The following ASIC2 variants were observed in gnomAD, a reference collection of about 807,000 sequenced individuals.
The protein encoded by ASIC2 is acid sensing ion channel subunit 2.
In ASIC2, 25 loss-of-function variants were observed where a neutral mutation model predicts 57.3. The ratio of observed to expected loss-of-function variants is 0.44; its 90% CI spans 0.32 to 0.61. ASIC2 has a LOEUF of 0.61. ASIC2 is among the 20% of genes least tolerant of loss of function. The pLI is 0.06. For missense variants in ASIC2, 641 were observed against 738.1 expected (o/e 0.87, Z 1.52); for synonymous variants, 319 against 307.5 (o/e 1.04, Z -0.39).
chr17:33,021,865 G>T (rs2091836976), intron 6 of ASIC2, among the ~76,000 whole-genome samples: 1 of 152,240 alleles, frequency 6.6e-6, no homozygotes, highest in Non-Finnish European at 1.5e-5. Flanking sequence ...TGTTCTGGCA[G>T]AAGCACCGCG....
intron 1 of ASIC2, among the ~76,000 whole-genome samples, chr17:34,152,707 G>A (rs752801155): frequency 2.6e-5 from 4 of 152,160 alleles, no homozygotes; most frequent in African/African-American, 9.7e-5. Context: ...TGACCAAGTC[G>A]AGGCCTAGAG....
intron 1 of ASIC2, among the ~76,000 whole-genome samples, chr17:34,130,508 G>A (rs890244668): frequency 6.6e-6 from 1 of 152,236 alleles, no homozygotes; most frequent in African/African-American, 2.4e-5. Flanking sequence ...CCCAGGTGTT[G>A]TCTGGACACA....
chr17:33,024,098 GA>G lies in ASIC2; in HGVS notation c.1196-85del, dbSNP rs2091849844. ...CCAGAGTAGCTGGATTGTAGCAGCT[GA>G]GAAATGAGCTGGGAAGGGGCACTGG... On this transcript the variant is annotated intron_variant, in intron 5 of 9. Transcript: ENST00000225823. 1.1e-4 allele frequency: 165 copies of G among 1,561,986 alleles called. 5 individuals carry two copies. In the South Asian group the frequency reaches 1.9e-3, roughly 18 times the overall value.
chr17:33,914,978 G>C (rs1915552966), intron 1 of ASIC2, among the ~76,000 whole-genome samples: 1 of 152,142 alleles, frequency 6.6e-6, no homozygotes, highest in Non-Finnish European at 1.5e-5. Context: ...TCTTCATATG[G>C]TCTGCTGTGG....
intron 1 of ASIC2, among the ~76,000 whole-genome samples, chr17:33,165,911 C>A (rs948074597): frequency 9.2e-5 from 14 of 152,110 alleles, no homozygotes; most frequent in African/African-American, 2.7e-4. Context: ...TATTGGAGAC[C>A]AATTGACATA....
intron 1 of ASIC2, among the ~76,000 whole-genome samples, chr17:33,619,298 T>A (rs1461088554): frequency 6.6e-6 from 1 of 152,166 alleles, no homozygotes; most frequent in Non-Finnish European, 1.5e-5. Flanking sequence ...TCAACACCAA[T>A]TCAATTTCAA....
At chr17:34,002,424 A>G (rs975669367) in intron 1 of ASIC2, 5 of 152,186 alleles carry the variant, frequency 3.3e-5, no homozygotes, top group African/African-American at 4.8e-5. Context: ...ATTTTTCCCA[A>G]CATTTAAGAA....
intron 1 of ASIC2, among the ~76,000 whole-genome samples, chr17:33,391,492 C>T (rs577582779): frequency 6.6e-6 from 1 of 152,282 alleles, no homozygotes; most frequent in South Asian, 2.1e-4. Context: ...CTGCACTAAG[C>T]AAAAAGTTTT....
In ASIC2 at chr17:33,874,496, G is replaced by A. The variant is rs138927909; in HGVS notation, c.555+281482C>T. 2.2e-3 allele frequency among the ~76,000 whole-genome samples: 340 copies of A among 152,296 alleles called. 2 individuals are homozygous for A. Among genetic ancestry groups the A allele is most frequent in the African/African-American group, 7.9e-3 (330 of 41,552 alleles). On this transcript the variant is annotated intron_variant, in intron 1 of 9. Transcript: ENST00000359872. The stretch of plus-strand genomic sequence containing the variant: ...CTAAACCAAGCAACCTTAGTCTGAA[G>A]CCAACCATTCTTCCTGCCGTGTCCT...
intron 1 of ASIC2, among the ~76,000 whole-genome samples, chr17:33,566,604 T>C (rs770776225): frequency 8.5e-5 from 13 of 152,122 alleles, no homozygotes; most frequent in Admixed American, 3.3e-4. Flanking sequence ...CTATAGTATA[T>C]TCCCCCTTAC....
At chr17:33,078,198 G>T (rs973964277) in intron 3 of ASIC2, among the ~76,000 whole-genome samples, 14 of 152,052 alleles carry the variant, frequency 9.2e-5, no homozygotes, top group Non-Finnish European at 1.6e-4. Context: ...ATAAGCCACC[G>T]AGAGATAAGC....
intron 3 of ASIC2, among the ~76,000 whole-genome samples, chr17:33,061,580 A>AT (rs2092020743): frequency 1.3e-5 from 2 of 152,062 alleles, no homozygotes; most frequent in Admixed American, 6.5e-5. Flanking sequence ...TTTACTGAGG[A>AT]TTTTTGCATC....
At chr17:33,873,222 G>A (rs1274930300) in intron 1 of ASIC2, among the ~76,000 whole-genome samples, 3 of 152,058 alleles carry the variant, frequency 2.0e-5, no homozygotes, top group Admixed American at 6.6e-5. Flanking sequence ...CTCCCAAGAC[G>A]ACAAAGATAA....
intron 5 of ASIC2, among the ~76,000 whole-genome samples, chr17:33,024,544 T>C (rs2091851560): frequency 1.3e-5 from 2 of 152,124 alleles, no homozygotes; most frequent in African/African-American, 4.8e-5. Context: ...CCTCTCTTCT[T>C]CCAATTAGAC....
intron 1 of ASIC2, among the ~76,000 whole-genome samples, chr17:33,812,449 AT>A (rs1298799882): frequency 6.6e-6 from 1 of 152,146 alleles, no homozygotes; most frequent in Non-Finnish European, 1.5e-5. Context: ...GAGCAAGACA[AT>A]AAGATGCTGG....
At chr17:33,516,682 G>A (rs975159508) in intron 1 of ASIC2, among the ~76,000 whole-genome samples, 4 of 152,146 alleles carry the variant, frequency 2.6e-5, no homozygotes, top group Non-Finnish European at 4.4e-5. Flanking sequence ...ATGTGAGCTC[G>A]CTGACATCAG....
intron 1 of ASIC2, among the ~76,000 whole-genome samples, chr17:33,496,995 T>C (rs1407536938): frequency 6.6e-6 from 1 of 152,204 alleles, no homozygotes; most frequent in Non-Finnish European, 1.5e-5. Context: ...TTGTTTACCA[T>C]GGTACCCTCA....
intron 1 of ASIC2, among the ~76,000 whole-genome samples, chr17:33,737,708 C>G (rs963784422): frequency 6.7e-6 from 1 of 148,450 alleles, no homozygotes; most frequent in South Asian, 2.1e-4. Flanking sequence ...GGCAGCCATC[C>G]TTATTGAGTA....
At chr17:33,646,808 A>G (rs750491986) in intron 1 of ASIC2, among the ~76,000 whole-genome samples, 8 of 152,128 alleles carry the variant, frequency 5.3e-5, no homozygotes, top group Non-Finnish European at 1.2e-4. Flanking sequence ...TCTTGTAATT[A>G]TCAACCAATA....
Sources: allele counts gnomAD v4.1 joint callset (sites outside exome capture counted in the v4.1 genomes callset), GRCh38; gene constraint gnomAD v4.1.1; transcripts MANE v1.5; gene names NCBI Gene and HGNC (gene_info 2026-07-23, HGNC 2026-07-21).